AKTIP: variants seen among roughly 807,000 people sequenced by gnomAD.
AKTIP encodes the protein AKT-interacting protein.
A neutral mutation model predicts 39.1 loss-of-function variants in AKTIP; 16 were observed. The observed-to-expected ratio is 0.41, with a 90% CI of 0.28 to 0.62. The LOEUF (loss-of-function observed/expected upper bound fraction) is 0.62, where lower values mean the gene tolerates loss of function less well. Ranked by LOEUF, AKTIP falls within the 20% of genes least tolerant of loss-of-function variation. The probability of loss-of-function intolerance (pLI) is 0.32; values close to 1 mark genes in which losing one functional copy is unlikely to be tolerated. For missense variants in AKTIP, 262 were observed against 356.6 expected (o/e 0.73, Z 2.14); for synonymous variants, 93 against 124.3 (o/e 0.75, Z 1.67).
chr16:53,498,672 C>G lies in AKTIP; in HGVS notation c.43-76G>C, dbSNP rs1170950505. The G allele has an allele frequency of 8.4e-6, 12 of 1,424,430 alleles. No individual in the cohort carries two copies. In the East Asian group the frequency reaches 2.0e-4, roughly 24 times the overall value. 88.2% of individuals were successfully genotyped at this position (1,424,430 alleles called of 1,614,324 possible). ...CAAGAGTACATTATTAGCTCCATGG[C>G]CTAAATGCTGGAATTACTCCTTTAC... On this transcript the variant is annotated intron_variant, in intron 2 of 9. Coordinates refer to ENST00000394657, the MANE Select transcript of AKTIP (RefSeq NM_022476.4).
intron 3 of AKTIP, among the ~76,000 whole-genome samples, chr16:53,496,881 C>T (rs1961871404): frequency 6.6e-6 from 1 of 152,138 alleles, no homozygotes; most frequent in Admixed American, 6.5e-5. Flanking sequence ...ATATGGCCTA[C>T]ACTTGTCTCA....
chr16:53,495,391 C>A (rs908322934), intron 3 of AKTIP, 65 bp from the exon 4 acceptor site: 13 of 1,497,260 alleles, frequency 8.7e-6, no homozygotes, highest in Non-Finnish European at 1.2e-5. Flanking sequence ...CAAACCACCC[C>A]ACATTCACTT....
Position 53,500,328 on chromosome 16 carries a change from A to G in AKTIP, c.-69T>C. 1 of 1,583,584 alleles carries G rather than the reference A, an allele frequency of 6.3e-7. No individual in the cohort carries two copies. The highest frequency in any genetic ancestry group is 8.5e-7 in the Non-Finnish European group (1 of 1,170,082). On this transcript the variant is annotated splice_region_variant and 5_prime_UTR_variant, in exon 2 of 10. Transcript: ENST00000394657. ...ATCTTCTGTCTTCGGCATTCACTTT[A>G]CCTTAAAACAAGACGGGAAGACATA...
chr16:53,494,666 T>C, intron 5 of AKTIP, 61 bp from the exon 6 acceptor site: 2 of 1,499,838 alleles, frequency 1.3e-6, no homozygotes. Flanking sequence ...ATGAGACCCA[T>C]AGGAATCGTG....
upstream of AKTIP, among the ~76,000 whole-genome samples, chr16:53,503,982 G>T (rs1043120467): frequency 1.3e-5 from 2 of 152,138 alleles, no homozygotes; most frequent in Non-Finnish European, 2.9e-5. Context: ...GGGCTGGGGG[G>T]AGGGGGGAGG....
At chr16:53,503,784 G>T (rs546685884), upstream of AKTIP, among the ~76,000 whole-genome samples, 282 of 152,342 alleles carry the variant, frequency 1.9e-3, no homozygotes, top group Middle Eastern at 3.4e-3. Flanking sequence ...GGCCCACAGG[G>T]TACCAGGGGT....
rs1311348391 is a variant in AKTIP at position 53,492,373 on chromosome 16, C to G, written c.*39G>C. ...TGGTCAGCTTGAACTAGGCCAGAGT[C>G]TAGCAGGAAAGTGCATGGTGCACCA... On this transcript the variant is annotated 3_prime_UTR_variant, in exon 10 of 10. Coordinates refer to ENST00000394657, the MANE Select transcript of AKTIP (RefSeq NM_022476.4). 2 of 1,576,270 alleles carry G rather than the reference C, an allele frequency of 1.3e-6. No homozygotes were observed. Among genetic ancestry groups the G allele is most frequent in the East Asian group, 2.2e-5 (1 of 44,692 alleles).
chr16:53,500,911 A>C (rs1035525886), intron 1 of AKTIP, among the ~76,000 whole-genome samples: 2 of 152,228 alleles, frequency 1.3e-5, no homozygotes, highest in Admixed American at 6.5e-5. Context: ...TCAGTGACAC[A>C]GATGAGCTTT....
upstream of AKTIP, chr16:53,503,267 C>CTGCCT (rs1301748183): frequency 1.1e-5 from 1 of 88,728 alleles, no homozygotes; most frequent in Non-Finnish European, 2.5e-5. Context: ...CCGCCCTGCC[C>CTGCCT]TGCCCTGCCC....
intron 3 of AKTIP, among the ~76,000 whole-genome samples, chr16:53,498,144 T>C (rs1961951586): frequency 1.3e-5 from 2 of 152,244 alleles, no homozygotes; most frequent in Non-Finnish European, 2.9e-5. Context: ...TTAAATCTTA[T>C]TCACCCGAGC....
intron 1 of AKTIP, chr16:53,500,961 T>C (rs2150871804): frequency 6.6e-6 from 1 of 152,318 alleles, no homozygotes; most frequent in African/African-American, 2.4e-5. Context: ...CAGTTGTTAC[T>C]AGCACATCTC....
chr16:53,494,695 C>T, intron 5 of AKTIP, 90 bp from the exon 6 acceptor site: 1 of 1,246,016 alleles, frequency 8.0e-7, no homozygotes, highest in Admixed American at 2.2e-5. Flanking sequence ...AGCTTCAGGA[C>T]AAGGCAGTCA....
At chr16:53,504,102 T>G (rs1962337825), upstream of AKTIP, among the ~76,000 whole-genome samples, 1 of 148,774 alleles carries the variant, frequency 6.7e-6, no homozygotes, top group African/African-American at 2.5e-5. Flanking sequence ...TTTTTTTTTT[T>G]TTTTTTTAAT....
At position 53,494,143 on chromosome 16, in the gene AKTIP, T is replaced by A; in HGVS notation, c.705A>T (p.Ala235=). ...FDQPKIEDPY[A]ISFSPWNPSV... ...TTGGGGGATGCACCACTTACCTAAT[T>A]GCATAGGGGTCTTCTATTTTAGGTT... Residue 235 remains alanine (A), a synonymous_variant, in exon 8 of 10, where the codon GCA becomes GCT. Transcript: ENST00000394657. 1 of 1,611,940 alleles carries A rather than the reference T, an allele frequency of 6.2e-7. No homozygotes were observed.
intron 8 of AKTIP, chr16:53,493,501 T>C (rs1331852803): frequency 1.3e-5 from 2 of 153,360 alleles, no homozygotes; most frequent in Non-Finnish European, 2.9e-5. Context: ...GAGATGGGGT[T>C]TGGCCATATT....
At chr16:53,502,423 C>T (rs969700927) in intron 1 of AKTIP, among the ~76,000 whole-genome samples, 6 of 152,240 alleles carry the variant, frequency 3.9e-5, no homozygotes, top group East Asian at 1.9e-4. Flanking sequence ...AAGTCTGGGT[C>T]TTCAGCCTGC....
intron 8 of AKTIP, chr16:53,493,061 A>G (rs921167244): frequency 4.0e-5 from 11 of 276,224 alleles, no homozygotes; most frequent in African/African-American, 1.5e-4. Context: ...CACGTAGTCC[A>G]TCTGCTGACT....
Position 53,492,719 on chromosome 16 carries a change from C to T in AKTIP, c.745G>A (p.Ala249Thr). ...SPWNPSVHDE[A>T]REKMLTQKKP... ...TTCTGAGTCAGCATCTTTTCTCTGG[C>T]TTCATCATGTACAGAAGGATTCCAT... Residue 249 changes from alanine (A) to threonine (T), a missense_variant, in exon 9 of 10, where the codon GCC (alanine) becomes ACC (threonine). Transcript: ENST00000394657. The T allele has an allele frequency of 6.2e-7, 1 of 1,614,084 alleles. No homozygotes were observed. Among genetic ancestry groups the T allele is most frequent in the Non-Finnish European group, 8.5e-7 (1 of 1,179,974 alleles).
In AKTIP at chr16:53,500,289, G is replaced by A. The variant is rs1962089935; in HGVS notation, c.-30C>T. ...TGTATTCCAAACAAAGAAAGTCAGTGGTGTATCATCCAAATCTTCTGTCTT... is the reference window on the plus strand; with the variant it reads ...TGTATTCCAAACAAAGAAAGTCAGTAGTGTATCATCCAAATCTTCTGTCTT... On this transcript the variant is annotated 5_prime_UTR_variant, in exon 2 of 10. Transcript: ENST00000394657. The A allele has an allele frequency of 6.2e-7, 1 of 1,607,780 alleles. No individual in the cohort carries two copies. The highest frequency in any genetic ancestry group is 1.7e-5 in the Admixed American group (1 of 58,764).
Sources: gnomAD v4.1 joint callset for allele counts (sites outside exome capture counted in the v4.1 genomes callset) on GRCh38, gnomAD v4.1.1 for gene constraint, MANE v1.5 for transcripts, NCBI Gene and HGNC (gene_info 2026-07-23, HGNC 2026-07-21) for gene names.